The following CERT1 variants were observed in gnomAD, a reference collection of about 807,000 sequenced individuals.
CERT1 encodes the protein ceramide transporter 1.
Under a neutral mutation model 87.9 loss-of-function variants are expected in CERT1, and 31 were observed. The observed-to-expected ratio is 0.35, with a 90% CI of 0.27 to 0.48. The LOEUF (loss-of-function observed/expected upper bound fraction) is 0.48, where lower values mean the gene tolerates loss of function less well. Among genes scored for constraint, CERT1 ranks in the 20% least tolerant of loss-of-function variants. CERT1 has a pLI of 0.99. For missense variants in CERT1, 487 were observed against 758.0 expected, an observed-to-expected ratio of 0.64 and a Z score of 4.20; for synonymous variants, 289 against 250.9, an observed-to-expected ratio of 1.15 and a Z score of -1.44.
intron 3 of CERT1, among the ~76,000 whole-genome samples, chr5:75,439,821 G>C (rs1764248148): frequency 6.6e-6 from 1 of 151,840 alleles, no homozygotes; most frequent in African/African-American, 2.4e-5. Context: ...AGCTTGTCCA[G>C]GTCAATATAA....
intron 11 of CERT1, among the ~76,000 whole-genome samples, chr5:75,397,517 C>T (rs764436454): frequency 3.1e-4 from 47 of 152,146 alleles, no homozygotes; most frequent in Non-Finnish European, 3.7e-4. Flanking sequence ...GGTTCTGAAC[C>T]CCTAATTCTT....
intron 8 of CERT1, among the ~76,000 whole-genome samples, chr5:75,405,366 C>T (rs1187660747): frequency 6.6e-6 from 1 of 152,182 alleles, no homozygotes; most frequent in Non-Finnish European, 1.5e-5. Context: ...GGGTTCCATA[C>T]TTGCTCTACC....
chr5:75,453,406 T>A (rs1020417502), intron 3 of CERT1, among the ~76,000 whole-genome samples: 2 of 152,126 alleles, frequency 1.3e-5, no homozygotes, highest in African/African-American at 4.8e-5. Flanking sequence ...AATATAGATA[T>A]GAGGAACAAA....
intron 2 of CERT1, among the ~76,000 whole-genome samples, chr5:75,483,820 G>A (rs1438531016): frequency 6.6e-6 from 1 of 151,790 alleles, no homozygotes; most frequent in Non-Finnish European, 1.5e-5. Context: ...TGTCTTGTAA[G>A]AGCTGCTAAA....
chr5:75,482,397 C>A (rs1766288850), intron 2 of CERT1, among the ~76,000 whole-genome samples: 1 of 152,166 alleles, frequency 6.6e-6, no homozygotes, highest in Non-Finnish European at 1.5e-5. Flanking sequence ...AATAGAGCAC[C>A]AAGTAGACAC....
intron 3 of CERT1, among the ~76,000 whole-genome samples, chr5:75,456,490 G>A (rs1764986931): frequency 6.6e-6 from 1 of 151,852 alleles, no homozygotes; most frequent in South Asian, 2.1e-4. Flanking sequence ...GCAACATGGC[G>A]AAACCGTGTC....
In CERT1 at chr5:75,505,706, C is replaced by T. The variant is rs897409133; in HGVS notation, c.231+276G>A. 3.7e-5 allele frequency: 8 copies of T among 215,312 alleles called. No individual in the cohort carries two copies. The Admixed American group carries it at 4.6e-4, about 12-fold the overall frequency. 13.3% of individuals were successfully genotyped at this position (215,312 alleles called of 1,614,324 possible). A position where few individuals can be genotyped will look rare whatever the true frequency, so the allele number is the denominator to read the frequency against. On this transcript the variant is annotated intron_variant, in intron 2 of 16. Coordinates refer to ENST00000643780, the MANE Select transcript of CERT1 (RefSeq NM_001379029.1). ...ACCTACAAAGTAACTGTCCCAGCCTCAACAAATAAAAAGGCTTCAAACATT... is the reference window on the plus strand; with the variant it reads ...ACCTACAAAGTAACTGTCCCAGCCTTAACAAATAAAAAGGCTTCAAACATT...
chr5:75,486,226 T>G (rs1454515648), intron 2 of CERT1, among the ~76,000 whole-genome samples: 1 of 152,030 alleles, frequency 6.6e-6, no homozygotes, highest in East Asian at 1.9e-4. Flanking sequence ...GTACATTATA[T>G]CCACAGAATG....
Position 75,388,638 on chromosome 5 carries a change from A to ATATATATATC in CERT1, c.1284+953_1284+954insGATATATATA, listed in dbSNP as rs1554034746. On this transcript the variant is annotated intron_variant, in intron 12 of 16. Transcript: ENST00000643780. ...TATATATATATATATATATATATAT[A>ATATATATATC]TATCTCACACAGGGTCTCACTTTGT... 3.7e-5 allele frequency among the ~76,000 whole-genome samples: 4 copies of ATATATATATC among 107,570 alleles called. No individual in the cohort carries two copies. In the East Asian group the frequency reaches 8.4e-4, roughly 23 times the overall value. 70.6% of individuals were successfully genotyped at this position (107,570 alleles called of 152,430 possible).
At chr5:75,377,772 G>A (rs1231113741), downstream of CERT1, 1 of 152,188 alleles carries the variant, frequency 6.6e-6, no homozygotes, top group African/African-American at 2.4e-5. Context: ...AAATTTTACT[G>A]TATAACTTTT....
chr5:75,501,358 T>C (rs1359319076), intron 2 of CERT1, among the ~76,000 whole-genome samples: 1 of 152,162 alleles, frequency 6.6e-6, no homozygotes, highest in Non-Finnish European at 1.5e-5. Context: ...ACTGGCAAAT[T>C]TCCCTAAAAC....
At chr5:75,477,532 T>G (rs1766010269) in intron 2 of CERT1, among the ~76,000 whole-genome samples, 1 of 151,446 alleles carries the variant, frequency 6.6e-6, no homozygotes, top group Non-Finnish European at 1.5e-5. Flanking sequence ...TTCTAAAAAT[T>G]TCTGGGGTTT....
At chr5:75,394,429 C>A (rs1043930078) in intron 11 of CERT1, among the ~76,000 whole-genome samples, 1 of 152,190 alleles carries the variant, frequency 6.6e-6, no homozygotes, top group East Asian at 1.9e-4. Flanking sequence ...AGGCAAAGAT[C>A]GCTTGAGGTT....
At chr5:75,482,457 A>C (rs564875912) in intron 2 of CERT1, among the ~76,000 whole-genome samples, 14 of 152,310 alleles carry the variant, frequency 9.2e-5, no homozygotes, top group African/African-American at 2.6e-4. Flanking sequence ...TTGCCACCCT[A>C]AAGGGAAGGA....
At chr5:75,443,547 G>A (rs1028266121) in intron 3 of CERT1, among the ~76,000 whole-genome samples, 3 of 152,068 alleles carry the variant, frequency 2.0e-5, no homozygotes, top group African/African-American at 4.8e-5. Context: ...ACTTTATATG[G>A]TATTTATTTC....
chr5:75,480,698 C>T (rs1174196186), intron 2 of CERT1, among the ~76,000 whole-genome samples: 1 of 152,168 alleles, frequency 6.6e-6, no homozygotes, highest in Non-Finnish European at 1.5e-5. Flanking sequence ...GATTTGCCTT[C>T]CTCAAGAAGG....
chr5:75,388,111 G>A (rs960970967), intron 12 of CERT1, among the ~76,000 whole-genome samples: 1 of 152,184 alleles, frequency 6.6e-6, no homozygotes, highest in African/African-American at 2.4e-5. Flanking sequence ...GAAGGTTTGT[G>A]ATTATCCAGC....
At chr5:75,460,796 C>T (rs1765191465) in intron 2 of CERT1, among the ~76,000 whole-genome samples, 1 of 152,182 alleles carries the variant, frequency 6.6e-6, no homozygotes, top group Admixed American at 6.5e-5. Flanking sequence ...TATAAACTAA[C>T]TCTACCATTT....
chr5:75,432,672 A>G (rs572767421), intron 3 of CERT1, among the ~76,000 whole-genome samples: 1 of 152,306 alleles, frequency 6.6e-6, no homozygotes, highest in African/African-American at 2.4e-5. Flanking sequence ...CTCTGTTGAT[A>G]GTTTCTCTTG....
Sources: allele counts gnomAD v4.1 joint callset (sites outside exome capture counted in the v4.1 genomes callset), GRCh38; gene constraint gnomAD v4.1.1; transcripts MANE v1.5; gene names NCBI Gene and HGNC (gene_info 2026-07-23, HGNC 2026-07-21).